The following POU6F2 variants were observed in gnomAD, a reference collection of about 807,000 sequenced individuals.
POU6F2 encodes POU domain, class 6, transcription factor 2.
A neutral mutation model predicts 71.3 loss-of-function variants in POU6F2; 31 were observed. The observed-to-expected ratio is 0.43, with a 90% CI of 0.33 to 0.59. The LOEUF (loss-of-function observed/expected upper bound fraction) is 0.59, where lower values mean the gene tolerates loss of function less well. Ranked by LOEUF, POU6F2 falls within the 20% of genes least tolerant of loss-of-function variation. The pLI is 0.04. For missense variants in POU6F2, 783 were observed against 856.8 expected (o/e 0.91, Z 1.07); for synonymous variants, 347 against 355.7 (o/e 0.98, Z 0.27).
At chr7:39,068,943 A>G (rs1004970122) in intron 1 of POU6F2, among the ~76,000 whole-genome samples, 4 of 152,146 alleles carry the variant, frequency 2.6e-5, no homozygotes, top group African/African-American at 9.7e-5. Flanking sequence ...TTGAGGAAGG[A>G]TCCGGAAATC....
At chr7:39,161,980 T>G (rs1182908733) in intron 2 of POU6F2, among the ~76,000 whole-genome samples, 1 of 152,168 alleles carries the variant, frequency 6.6e-6, no homozygotes. Context: ...ATAAGGCACT[T>G]GACCCACCAT....
chr7:39,308,533 A>G (rs745749670), intron 4 of POU6F2, among the ~76,000 whole-genome samples: 2 of 152,202 alleles, frequency 1.3e-5, no homozygotes, highest in African/African-American at 2.4e-5. Flanking sequence ...TGGACTACAG[A>G]TGTGAGTAAG....
At chr7:39,451,893 A>G (rs1788671138) in intron 8 of POU6F2, among the ~76,000 whole-genome samples, 192 bp downstream of exon 8, 1 of 152,184 alleles carries the variant, frequency 6.6e-6, no homozygotes, top group African/African-American at 2.4e-5. Context: ...TCCTTAGGGA[A>G]GCAGGTCCCC....
In POU6F2 at chr7:39,108,064, T is replaced by A. The variant is rs368791862; in HGVS notation, c.277+22033T>A. On this transcript the variant is annotated intron_variant, in intron 2 of 9. Coordinates refer to ENST00000518318, the MANE Select transcript of POU6F2 (RefSeq NM_001370959.1). Reference sequence around the variant, plus strand: ...CAACACAATGGGCTATAACTGTGATTCTGAAATTGCTCTCAATTCTCCAGC... The same window carrying A: ...CAACACAATGGGCTATAACTGTGATACTGAAATTGCTCTCAATTCTCCAGC... 4.6e-4 allele frequency among the ~76,000 whole-genome samples: 70 copies of A among 152,268 alleles called. 1 individual carries two copies. The South Asian group carries it at 0.014, about 31-fold the overall frequency.
At chr7:38,994,180 A>G (rs572304029) in intron 1 of POU6F2, among the ~76,000 whole-genome samples, 1 of 152,302 alleles carries the variant, frequency 6.6e-6, no homozygotes, top group African/African-American at 2.4e-5. Context: ...CTGAGTGAAT[A>G]AACAACCTGG....
intron 1 of POU6F2, among the ~76,000 whole-genome samples, chr7:39,031,053 A>G (rs1193191979): frequency 1.3e-5 from 2 of 151,880 alleles, no homozygotes; most frequent in African/African-American, 2.4e-5. Context: ...GGTGCCCACC[A>G]CCGCGTCTGG....
intron 4 of POU6F2, among the ~76,000 whole-genome samples, chr7:39,223,271 T>C (rs1444385320): frequency 6.6e-6 from 1 of 152,212 alleles, no homozygotes; most frequent in African/African-American, 2.4e-5. Flanking sequence ...CTTCAGAAGT[T>C]GTGTTACTTC....
rs998577306 is a variant in POU6F2 at position 39,278,028 on chromosome 7, C to T, written c.599-61614C>T. 2.8e-5 allele frequency among the ~76,000 whole-genome samples: 4 copies of T among 141,354 alleles called. No individual in the cohort carries two copies. In the East Asian group the frequency reaches 6.6e-4, roughly 23 times the overall value. The allele number at this position is 141,354 out of a possible 152,430, so 92.7% of individuals were successfully genotyped here. On this transcript the variant is annotated intron_variant, in intron 4 of 9. Coordinates refer to ENST00000518318, the MANE Select transcript of POU6F2 (RefSeq NM_001370959.1). ...GGCAGAGGTTGCAGTGAGCCGAGAT[C>T]GGGCCACTGCACTCTAGCCTGGCGA...
At chr7:39,050,581 G>C (rs546934778) in intron 1 of POU6F2, among the ~76,000 whole-genome samples, 1 of 152,214 alleles carries the variant, frequency 6.6e-6, no homozygotes, top group South Asian at 2.1e-4. Context: ...GCCCATTAGG[G>C]CCTCAACCAG....
intron 4 of POU6F2, among the ~76,000 whole-genome samples, chr7:39,246,193 A>G (rs1220105962): frequency 6.6e-6 from 1 of 152,174 alleles, no homozygotes; most frequent in African/African-American, 2.4e-5. Flanking sequence ...TGACTTCCAC[A>G]AGCAAATATG....
intron 4 of POU6F2, among the ~76,000 whole-genome samples, chr7:39,285,336 T>C (rs920252064): frequency 6.6e-6 from 1 of 152,186 alleles, no homozygotes; most frequent in Non-Finnish European, 1.5e-5. Context: ...TTTTCAAGAC[T>C]GCCCATAAAA....
intron 2 of POU6F2, among the ~76,000 whole-genome samples, chr7:39,152,910 A>G (rs1792791054): frequency 6.6e-6 from 1 of 152,184 alleles, no homozygotes; most frequent in Non-Finnish European, 1.5e-5. Flanking sequence ...CTTTATATAT[A>G]GTTAAATCAT....
At chr7:39,190,417 T>TTA (rs1263393087) in intron 2 of POU6F2, among the ~76,000 whole-genome samples, 1 of 59,892 alleles carries the variant, frequency 1.7e-5, no homozygotes, top group East Asian at 6.9e-4. Context: ...CTCCTTTTCT[T>TTA]AAAAAAAAAA....
Position 39,095,863 on chromosome 7 carries a change from C to T in POU6F2, c.277+9832C>T, listed in dbSNP as rs73363805. Among the ~76,000 whole-genome samples, 936 of 152,266 alleles carry T rather than the reference C, an allele frequency of 6.1e-3. 8 individuals are homozygous for T. The highest frequency in any genetic ancestry group is 0.022 in the African/African-American group (900 of 41,558). The stretch of plus-strand genomic sequence containing the variant: ...GATAAAAGGCAAAATGCAGCAAGCC[C>T]ATTGTTGATCTTGATCTCCTACTTA... On this transcript the variant is annotated intron_variant, in intron 2 of 9. Coordinates refer to ENST00000518318, the MANE Select transcript of POU6F2 (RefSeq NM_001370959.1).
At chr7:39,358,205 T>C (rs1786300107) in intron 5 of POU6F2, among the ~76,000 whole-genome samples, 2 of 152,180 alleles carry the variant, frequency 1.3e-5, no homozygotes, top group Admixed American at 1.3e-4. Context: ...TTTTTAACAG[T>C]AGCTTTTGAA....
intron 9 of POU6F2, among the ~76,000 whole-genome samples, chr7:39,463,928 A>G (rs1789006296): frequency 6.6e-6 from 1 of 152,156 alleles, no homozygotes; most frequent in Non-Finnish European, 1.5e-5. Context: ...CATGCCTATG[A>G]TATGTTATGA....
chr7:39,157,583 C>G (rs1013515792), intron 2 of POU6F2, among the ~76,000 whole-genome samples: 2 of 152,044 alleles, frequency 1.3e-5, no homozygotes, highest in Non-Finnish European at 2.9e-5. Context: ...TATTAATAAA[C>G]AGTGATTGTA....
At chr7:39,214,324 T>G (rs1245942945) in intron 4 of POU6F2, among the ~76,000 whole-genome samples, 13 of 152,116 alleles carry the variant, frequency 8.5e-5, no homozygotes, top group African/African-American at 3.1e-4. Flanking sequence ...CATCAAGCCT[T>G]CCTTCCTCCT....
chr7:39,334,336 T>C (rs926711415), intron 4 of POU6F2, among the ~76,000 whole-genome samples: 1 of 151,966 alleles, frequency 6.6e-6, no homozygotes, highest in African/African-American at 2.4e-5. Context: ...TAGTAGACAC[T>C]GAGGACTCCA....
Sources: gnomAD v4.1 joint callset for allele counts (sites outside exome capture counted in the v4.1 genomes callset) on GRCh38, gnomAD v4.1.1 for gene constraint, MANE v1.5 for transcripts, NCBI Gene and HGNC (gene_info 2026-07-23, HGNC 2026-07-21) for gene names.